The following SGIP1 variants were observed in gnomAD, a reference collection of about 807,000 sequenced individuals.
SGIP1 encodes SH3GL interacting endocytic adaptor 1.
Under a neutral mutation model 107.5 loss-of-function variants are expected in SGIP1, and 38 were observed. That is an observed-to-expected ratio of 0.35 (90% CI 0.27 to 0.46). The LOEUF is 0.46. Ranked by LOEUF, SGIP1 falls within the 20% of genes least tolerant of loss-of-function variation. The pLI is 1.00. For missense variants in SGIP1, 929 were observed against 1,019.5 expected, an observed-to-expected ratio of 0.91 and a Z score of 1.21; for synonymous variants, 365 against 366.1, an observed-to-expected ratio of 1.00 and a Z score of 0.03.
intron 7 of SGIP1, among the ~76,000 whole-genome samples, chr1:66,650,012 A>C (rs994624006): frequency 6.6e-6 from 1 of 152,282 alleles, no homozygotes; most frequent in East Asian, 1.9e-4. Context: ...ATGTATGTAA[A>C]GTACTCCTAA....
upstream of SGIP1, chr1:66,533,570 C>G (rs2052875676): frequency 6.6e-6 from 1 of 152,000 alleles, no homozygotes. Context: ...TGATTTTTCT[C>G]TCTTGAATGA....
At chr1:66,689,401 A>T in intron 16 of SGIP1, 126 bp downstream of exon 16, 1 of 1,217,386 alleles carries the variant, frequency 8.2e-7, no homozygotes, top group Non-Finnish European at 1.1e-6. Flanking sequence ...CATCTGAAAG[A>T]CAGTCACTGC....
chr1:66,651,577 G>A lies in SGIP1; in HGVS notation c.459+7858G>A, dbSNP rs535295689. Among the ~76,000 whole-genome samples the A allele has an allele frequency of 3.4e-4, 51 of 152,156 alleles. 1 individual carries two copies. The highest frequency in any genetic ancestry group is 5.9e-5 in the Non-Finnish European group (4 of 68,010). Reference sequence around the variant, plus strand: ...TGAAATAAACTCTTTGAAGGATATCGATGGATGCTCAAAGGGCCCATAATC... The same window carrying A: ...TGAAATAAACTCTTTGAAGGATATCAATGGATGCTCAAAGGGCCCATAATC... On this transcript the variant is annotated intron_variant, in intron 7 of 24. Transcript: ENST00000371037.
At chr1:66,585,898 G>C (rs541398242) in intron 1 of SGIP1, among the ~76,000 whole-genome samples, 1 of 152,136 alleles carries the variant, frequency 6.6e-6, no homozygotes, top group African/African-American at 2.4e-5. Flanking sequence ...AGTGCTCTGC[G>C]AAAATAATTT....
intron 10 of SGIP1, among the ~76,000 whole-genome samples, chr1:66,671,669 C>G (rs756010037): frequency 6.6e-6 from 1 of 152,184 alleles, no homozygotes; most frequent in Non-Finnish European, 1.5e-5. Flanking sequence ...TGTGCTCTTT[C>G]ACTAAGTGCT....
At chr1:66,727,239 CTA>C (rs1193359996) in intron 19 of SGIP1, among the ~76,000 whole-genome samples, 1 of 152,136 alleles carries the variant, frequency 6.6e-6, no homozygotes, top group Non-Finnish European at 1.5e-5. Flanking sequence ...ACAAACAACC[CTA>C]TTTAAAAACT....
At chr1:66,572,234 G>T (rs2060477402) in intron 1 of SGIP1, among the ~76,000 whole-genome samples, 1 of 151,932 alleles carries the variant, frequency 6.6e-6, no homozygotes, top group South Asian at 2.1e-4. Context: ...AAATCTCAGA[G>T]ATTTGACTTC....
intron 3 of SGIP1, among the ~76,000 whole-genome samples, chr1:66,633,815 T>A (rs1369447285): frequency 2.1e-5 from 3 of 144,938 alleles, no homozygotes; most frequent in Non-Finnish European, 4.5e-5. Context: ...GAAAAAAAAA[T>A]GGACTTACAT....
intron 18 of SGIP1, among the ~76,000 whole-genome samples, chr1:66,697,510 T>C (rs996015613): frequency 1.6e-4 from 24 of 152,326 alleles, no homozygotes; most frequent in African/African-American, 5.8e-4. Context: ...TGAAAGGATG[T>C]GTGAATAGCC....
At chr1:66,601,325 A>G (rs1315859311) in intron 1 of SGIP1, among the ~76,000 whole-genome samples, 1 of 152,182 alleles carries the variant, frequency 6.6e-6, no homozygotes, top group Non-Finnish European at 1.5e-5. Context: ...AGATCGCGCC[A>G]CTGCACTCCA....
chr1:66,598,851 G>T (rs924752241), intron 1 of SGIP1, among the ~76,000 whole-genome samples: 1 of 152,130 alleles, frequency 6.6e-6, no homozygotes, highest in Non-Finnish European at 1.5e-5. Flanking sequence ...TCAGATATGG[G>T]CAGGGACACA....
intron 7 of SGIP1, among the ~76,000 whole-genome samples, chr1:66,649,121 C>T (rs2078224933): frequency 6.6e-6 from 1 of 152,124 alleles, no homozygotes; most frequent in Non-Finnish European, 1.5e-5. Context: ...TTTTCATGTC[C>T]TGGGTTAAAA....
At chr1:66,716,239 C>A (rs1403321406) in intron 18 of SGIP1, among the ~76,000 whole-genome samples, 1 of 152,102 alleles carries the variant, frequency 6.6e-6, no homozygotes, top group South Asian at 2.1e-4. Flanking sequence ...AGAGTTCCTT[C>A]GCAATGGATG....
intron 2 of SGIP1, chr1:66,628,658 A>G (rs1218927402): frequency 6.5e-6 from 1 of 153,178 alleles, no homozygotes; most frequent in African/African-American, 2.4e-5. Flanking sequence ...TTCTCGAGAG[A>G]GAAAAGGTTG....
chr1:66,656,672 T>C (rs74085003), intron 7 of SGIP1, among the ~76,000 whole-genome samples: 20,437 of 152,266 alleles, frequency 0.13, 1,437 homozygotes, highest in African/African-American at 0.16. Context: ...TGCTCCCAGA[T>C]GTAAACCCAT....
intron 18 of SGIP1, among the ~76,000 whole-genome samples, chr1:66,700,826 A>G (rs1359050942): frequency 6.6e-6 from 1 of 152,078 alleles, no homozygotes; most frequent in African/African-American, 2.4e-5. Context: ...CTTTGACCCC[A>G]CTGAGACCTC....
chr1:66,619,671 G>A (rs1406369387), intron 1 of SGIP1, among the ~76,000 whole-genome samples: 2 of 152,218 alleles, frequency 1.3e-5, no homozygotes, highest in Non-Finnish European at 2.9e-5. Flanking sequence ...GAGAAAGGAG[G>A]GGTTATTGGC....
At chr1:66,715,385 T>C (rs959792835) in intron 18 of SGIP1, among the ~76,000 whole-genome samples, 1 of 152,082 alleles carries the variant, frequency 6.6e-6, no homozygotes, top group African/African-American at 2.4e-5. Context: ...GTTTTCTGTG[T>C]TTCTGCTTCC....
intron 18 of SGIP1, among the ~76,000 whole-genome samples, chr1:66,713,134 C>T (rs971489387): frequency 2.0e-5 from 3 of 152,114 alleles, no homozygotes; most frequent in African/African-American, 7.2e-5. Flanking sequence ...TGATTGTTTA[C>T]TTGCCAGGTG....
Sources: allele counts gnomAD v4.1 joint callset (sites outside exome capture counted in the v4.1 genomes callset), GRCh38; gene constraint gnomAD v4.1.1; transcripts MANE v1.5; gene names NCBI Gene and HGNC (gene_info 2026-07-23, HGNC 2026-07-21).